Variants in PCDH15 observed in about 807,000 individuals in gnomAD.
The protein encoded by PCDH15 is protocadherin related 15.
In PCDH15, 129 loss-of-function variants were observed where a neutral mutation model predicts 178.5. The observed-to-expected ratio is 0.72, with a 90% CI of 0.63 to 0.84. The LOEUF is 0.84. Among genes scored for constraint, PCDH15 ranks in the 40% least tolerant of loss-of-function variants. The pLI is 0.00. For missense variants in PCDH15, 2,230 were observed against 2,099.9 expected (o/e 1.06, Z -1.21); for synonymous variants, 800 against 732.0 (o/e 1.09, Z -1.50).
At chr10:54,059,435 T>G (rs1050747604) in intron 18 of PCDH15, among the ~76,000 whole-genome samples, 1 of 152,206 alleles carries the variant, frequency 6.6e-6, no homozygotes, top group South Asian at 2.1e-4. Flanking sequence ...AGTAAATACA[T>G]AATACATAAA....
intron 2 of PCDH15, among the ~76,000 whole-genome samples, chr10:55,538,440 CCCTT>C (rs1458846246): frequency 2.1e-3 from 243 of 113,452 alleles, no homozygotes; most frequent in African/African-American, 5.8e-3. Flanking sequence ...CTTCCTTCCT[CCCTT>C]CCTTCCTTCT....
intron 8 of PCDH15, among the ~76,000 whole-genome samples, chr10:54,304,484 A>G (rs952311914): frequency 3.9e-5 from 6 of 152,058 alleles, no homozygotes; most frequent in Non-Finnish European, 8.8e-5. Flanking sequence ...ATGAACAGCA[A>G]AAGCTTGGGC....
intron 2 of PCDH15, among the ~76,000 whole-genome samples, chr10:54,908,963 C>T (rs1359078232): frequency 6.6e-6 from 1 of 152,096 alleles, no homozygotes; most frequent in Non-Finnish European, 1.5e-5. Flanking sequence ...GTCATCTCTT[C>T]AGCTCTCAGC....
chr10:54,484,100 C>T (rs1265370180), intron 3 of PCDH15, among the ~76,000 whole-genome samples: 3 of 151,862 alleles, frequency 2.0e-5, no homozygotes, highest in Non-Finnish European at 4.4e-5. Context: ...AAATCCAAAA[C>T]AGCAATTTTG....
chr10:54,228,043 C>T (rs899862491), intron 9 of PCDH15, among the ~76,000 whole-genome samples: 1 of 152,144 alleles, frequency 6.6e-6, no homozygotes, highest in Non-Finnish European at 1.5e-5. Flanking sequence ...CTACAGAGCC[C>T]TGCAAACTGT....
intron 28 of PCDH15, among the ~76,000 whole-genome samples, chr10:53,856,759 C>T (rs575154732): frequency 1.3e-5 from 2 of 152,100 alleles, no homozygotes; most frequent in African/African-American, 4.8e-5. Context: ...TTTGAGAAAA[C>T]AGTAAGCTAA....
intron 1 of PCDH15, among the ~76,000 whole-genome samples, chr10:54,752,501 AAAAAC>A (rs778797827): frequency 0.14 from 16,224 of 112,530 alleles, 3,182 homozygotes; most frequent in Non-Finnish European, 0.18. Context: ...ACAAAAAACA[AAAAAC>A]AAAAAACAAA....
chr10:55,151,097 C>A (rs1433926127), intron 2 of PCDH15, among the ~76,000 whole-genome samples: 2 of 152,000 alleles, frequency 1.3e-5, no homozygotes, highest in African/African-American at 4.8e-5. Context: ...TTTCGTAGAT[C>A]CCACGGCATA....
In PCDH15 at chr10:53,991,157, C is replaced by A. The variant is rs774036850; in HGVS notation, c.2868+4492G>T. ...CAGGGTGCTGCCCCCTGCTCCATGG[C>A]GCCCGGTCCCATCAACTGCCCAAGG... On this transcript the variant is annotated intron_variant, in intron 21 of 37. Transcript: ENST00000644397. Among the ~76,000 whole-genome samples, 4 of 152,210 alleles carry A rather than the reference C, an allele frequency of 2.6e-5. No homozygotes were observed. In the East Asian group the frequency reaches 5.8e-4, roughly 22 times the overall value.
chr10:54,632,953 C>A (rs2093742351), intron 2 of PCDH15, among the ~76,000 whole-genome samples: 1 of 151,988 alleles, frequency 6.6e-6, no homozygotes, highest in African/African-American at 2.4e-5. Context: ...AGCCTGAATT[C>A]CCACTAATGG....
chr10:54,623,661 A>T (rs1233624596), intron 2 of PCDH15, among the ~76,000 whole-genome samples: 1 of 152,168 alleles, frequency 6.6e-6, no homozygotes, highest in Non-Finnish European at 1.5e-5. Flanking sequence ...GGCTTGGAAC[A>T]CTAAACTATA....
chr10:55,601,284 G>T (rs1318249290), intron 2 of PCDH15, among the ~76,000 whole-genome samples: 1 of 152,192 alleles, frequency 6.6e-6, no homozygotes, highest in Non-Finnish European at 1.5e-5. Context: ...GTTAGGAAAA[G>T]TTTTCAGTAA....
At chr10:55,428,823 T>C (rs1270002362) in intron 2 of PCDH15, among the ~76,000 whole-genome samples, 1 of 151,990 alleles carries the variant, frequency 6.6e-6, no homozygotes, top group African/African-American at 2.4e-5. Flanking sequence ...ACATTTTTTG[T>C]ATTATATTTT....
intron 2 of PCDH15, among the ~76,000 whole-genome samples, chr10:54,920,064 T>C (rs1030033306): frequency 6.6e-6 from 1 of 152,208 alleles, no homozygotes; most frequent in African/African-American, 2.4e-5. Context: ...TAATGATCTA[T>C]ACTCCTCTCG....
intron 2 of PCDH15, among the ~76,000 whole-genome samples, chr10:55,535,174 A>C (rs1312521052): frequency 6.6e-6 from 1 of 152,122 alleles, no homozygotes; most frequent in African/African-American, 2.4e-5. Flanking sequence ...CTAAAGTAGA[A>C]GTTTAATTTT....
At chr10:53,910,033 C>T (rs575315062) in intron 25 of PCDH15, among the ~76,000 whole-genome samples, 1 of 152,292 alleles carries the variant, frequency 6.6e-6, no homozygotes, top group South Asian at 2.1e-4. Context: ...CCCACCGCAG[C>T]TCAACAAGGT....
intron 18 of PCDH15, among the ~76,000 whole-genome samples, chr10:54,043,510 C>T (rs2093593697): frequency 6.6e-6 from 1 of 152,040 alleles, no homozygotes; most frequent in Non-Finnish European, 1.5e-5. Context: ...CCTCTCACCT[C>T]CTGAATAGCT....
At chr10:55,008,180 A>G (rs2131939397) in intron 2 of PCDH15, among the ~76,000 whole-genome samples, 1 of 152,192 alleles carries the variant, frequency 6.6e-6, no homozygotes, top group Non-Finnish European at 1.5e-5. Flanking sequence ...TCAATAGTCT[A>G]CTTGAGAACT....
intron 25 of PCDH15, among the ~76,000 whole-genome samples, chr10:53,920,281 T>C (rs2083887313): frequency 6.6e-6 from 1 of 152,088 alleles, no homozygotes; most frequent in East Asian, 1.9e-4. Context: ...TATAAAACAT[T>C]AGAATTGTCT....
Sources: allele counts gnomAD v4.1 joint callset (sites outside exome capture counted in the v4.1 genomes callset), GRCh38; gene constraint gnomAD v4.1.1; transcripts MANE v1.5; gene names NCBI Gene and HGNC (gene_info 2026-07-23, HGNC 2026-07-21).